TIMM50: variants seen among roughly 807,000 people sequenced by gnomAD.
The protein encoded by TIMM50 is translocase of inner mitochondrial membrane 50.
TIMM50 carries 34 observed loss-of-function variants against 49.6 expected under a neutral mutation model. The ratio of observed to expected loss-of-function variants is 0.69; its 90% confidence interval spans 0.52 to 0.91. The LOEUF (loss-of-function observed/expected upper bound fraction) is 0.91. Among genes scored for constraint, TIMM50 ranks in the 40% least tolerant of loss-of-function variants. TIMM50 has a pLI of 0.00. For synonymous variants in TIMM50, 199 were observed against 198.4 expected, an observed-to-expected ratio of 1.00 and a Z score of -0.03; for missense variants, 458 against 477.8, an observed-to-expected ratio of 0.96 and a Z score of 0.39.
chr19:39,488,120 A>G lies in TIMM50; in HGVS notation c.756A>G (p.Glu252=), dbSNP rs576115147. ...TAGTAGTTGTGGACTGCAAGAAGGA[A>G]GCCTTCCGCCTGCAGCCCTATAACG... ...ARVVVVDCKK[E]AFRLQPYNGV... The change falls in exon 9 of 11, where the codon GAA becomes GAG. Residue 252 remains glutamate, a synonymous_variant. Transcript: ENST00000607714. 6.2e-7 allele frequency: 1 copy of G among 1,613,902 alleles called. No homozygotes were observed. The highest frequency in any genetic ancestry group is 1.3e-5 in the African/African-American group (1 of 75,038).
chr19:39,481,798 T>G, intron 1 of TIMM50, 85 bp from the exon 2 acceptor site: 2 of 1,523,982 alleles, frequency 1.3e-6, no homozygotes, highest in Non-Finnish European at 1.8e-6. Context: ...TCTTGGCTCC[T>G]GAACTTGATT....
rs894888536 is a variant in TIMM50 at position 39,493,184 on chromosome 19, G to C, written c.*3364G>C. ...GGTGCACTGTCTGTAAGCCGGTGGA[G>C]TTATTTCCCAAAATCCTTGGTCCTT... is the stretch of plus-strand genomic sequence containing the variant. On this transcript the variant is annotated 3_prime_UTR_variant, in exon 11 of 11. Coordinates refer to ENST00000607714, the MANE Select transcript of TIMM50 (RefSeq NM_001001563.5). 6.6e-6 allele frequency: 1 copy of C among 151,996 alleles called. No homozygotes were observed. The highest frequency in any genetic ancestry group is 1.5e-5 in the Non-Finnish European group (1 of 68,020). 9.4% of individuals were successfully genotyped at this position (151,996 alleles called of 1,614,324 possible).
At chr19:39,489,171 C>G (rs537121102) in intron 10 of TIMM50, among the ~76,000 whole-genome samples, 1 of 152,048 alleles carries the variant, frequency 6.6e-6, no homozygotes, top group East Asian at 1.9e-4. Flanking sequence ...AGAGAAGTCC[C>G]TAGAGATTTG....
At chr19:39,489,623 G>A in intron 10 of TIMM50, 96 bp from the exon 11 acceptor site, 1 of 1,172,516 alleles carries the variant, frequency 8.5e-7, no homozygotes, top group Non-Finnish European at 1.2e-6. Flanking sequence ...AGAAGGAAAG[G>A]TGGTCCCTGG....
intron 6 of TIMM50, 132 bp from the exon 7 acceptor site, chr19:39,486,055 T>A: frequency 8.9e-7 from 1 of 1,124,428 alleles, no homozygotes; most frequent in Admixed American, 1.9e-5. Context: ...ATGAACTTCT[T>A]GACCTCCAAG....
chr19:39,481,437 T>G lies in TIMM50; in HGVS notation c.109-446T>G, dbSNP rs192119028. ...CAAGCCCCAGACAAGTGATTGCCCT[T>G]CCCCGCCTCCGCTCCTATCCCTTAC... On this transcript the variant is annotated intron_variant, in intron 1 of 10. Coordinates refer to ENST00000607714, the MANE Select transcript of TIMM50 (RefSeq NM_001001563.5). 3.1e-5 allele frequency: 7 copies of G among 227,266 alleles called. No homozygotes were observed. The Admixed American group carries it at 3.2e-4, about 10-fold the overall frequency. 14.1% of individuals were successfully genotyped at this position (227,266 alleles called of 1,614,324 possible).
At chr19:39,483,423 C>G (rs1418594516) in intron 4 of TIMM50, 1 of 528,308 alleles carries the variant, frequency 1.9e-6, no homozygotes, top group Non-Finnish European at 3.4e-6. Context: ...TGGCCTATCT[C>G]CAGACACATG....
At chr19:39,489,688 A>G in intron 10 of TIMM50, 31 bp from the exon 11 acceptor site, 2 of 1,572,718 alleles carry the variant, frequency 1.3e-6, no homozygotes, top group Non-Finnish European at 1.7e-6. Context: ...CCTTGCGCTG[A>G]CCCTCTCCTC....
At chr19:39,489,138 G>C (rs904466069) in intron 10 of TIMM50, among the ~76,000 whole-genome samples, 1 of 152,100 alleles carries the variant, frequency 6.6e-6, no homozygotes, top group Non-Finnish European at 1.5e-5. Flanking sequence ...TAGGTTCCTA[G>C]AGTTGGGAGC....
At chr19:39,482,747 C>G (rs2079480963) in intron 2 of TIMM50, 138 bp from the exon 3 acceptor site, 1 of 1,082,068 alleles carries the variant, frequency 9.2e-7, no homozygotes, top group East Asian at 2.4e-5. Flanking sequence ...GCTCCCAGCC[C>G]CCTCCTGGCT....
At chr19:39,486,966 G>A (rs908251286) in intron 8 of TIMM50, among the ~76,000 whole-genome samples, 2 of 152,108 alleles carry the variant, frequency 1.3e-5, no homozygotes, top group African/African-American at 4.8e-5. Flanking sequence ...TCTGTGTCGT[G>A]TCGGGGTGGG....
chr19:39,492,085 C>A lies in TIMM50; in HGVS notation c.*2265C>A, dbSNP rs573496817. On this transcript the variant is annotated 3_prime_UTR_variant, in exon 11 of 11. Transcript: ENST00000607714. ...CCACTGTGTATTAAGAGTATGAGTC[C>A]CAGATTGTGTAAGTTCAAATCCAAG... is the stretch of plus-strand genomic sequence containing the variant. 6.6e-6 allele frequency: 1 copy of A among 152,170 alleles called. No homozygotes were observed. The highest frequency in any genetic ancestry group is 2.4e-5 in the African/African-American group (1 of 41,524). The allele number at this position is 152,170 out of a possible 1,614,324, so 9.4% of individuals were successfully genotyped here.
rs746734080 is a variant in TIMM50, at chr19:39,488,626, G to T, written c.941G>T (p.Arg314Leu). 2 of 1,613,680 alleles carry T rather than the reference G, an allele frequency of 1.2e-6. No individual in the cohort carries two copies. ...GACCCGCTGGCGGCTTTCAAACAGC[G>T]GCAAAGCCGGCTAGAGCAGGTTGGT... is the stretch of plus-strand genomic sequence containing the variant. ...EDDPLAAFKQ[R>L]QSRLEQEEQQ... Residue 314 changes from arginine (R) to leucine (L), a missense_variant, in exon 10 of 11, where the codon CGG (arginine) becomes CTG (leucine). Coordinates refer to ENST00000607714, the MANE Select transcript of TIMM50 (RefSeq NM_001001563.5).
Position 39,480,867 on chromosome 19 carries a change from C to T in TIMM50, c.14C>T (p.Ala5Val), listed in dbSNP as rs1451547210. The T allele has an allele frequency of 2.5e-6, 4 of 1,598,830 alleles. No homozygotes were observed. Among genetic ancestry groups the T allele is most frequent in the East Asian group, 2.3e-5 (1 of 44,390 alleles). The change falls in exon 1 of 11, where the codon GCA becomes GTA. Residue 5 changes from alanine to valine, a missense_variant. Ala to Val is a moderately conservative substitution (Grantham distance 64). Coordinates refer to ENST00000607714, the MANE Select transcript of TIMM50 (RefSeq NM_001001563.5). ...CGTCAGCGCAAGATGGCGGCCTCGG[C>T]AGCGGTGTTCTCGCGCTTGCGAAGC... is the stretch of plus-strand genomic sequence containing the variant. MAAS[A>V]AVFSRLRSGL...
intron 1 of TIMM50, chr19:39,481,288 A>G (rs1463555072): frequency 1.0e-5 from 4 of 398,218 alleles, no homozygotes; most frequent in Non-Finnish European, 1.8e-5. Context: ...CGTGGGAGTT[A>G]TTTTCTCTGT....
intron 6 of TIMM50, 163 bp from the exon 7 acceptor site, chr19:39,486,024 C>A: frequency 9.4e-7 from 1 of 1,062,852 alleles, no homozygotes; most frequent in Non-Finnish European, 1.4e-6. Context: ...CACAAAGGAG[C>A]CAGACCCGCA....
chr19:39,484,040 G>A (rs1157903572), intron 4 of TIMM50, among the ~76,000 whole-genome samples: 1 of 151,854 alleles, frequency 6.6e-6, no homozygotes, highest in Admixed American at 6.6e-5. Context: ...TTTTAGTAGA[G>A]ACAGGGTTTC....
At chr19:39,489,642 C>G in intron 10 of TIMM50, 77 bp from the exon 11 acceptor site, 1 of 1,365,696 alleles carries the variant, frequency 7.3e-7, no homozygotes, top group South Asian at 1.3e-5. Context: ...GGGCTGAGGC[C>G]TGGGGACCTG....
chr19:39,481,100 C>A, intron 1 of TIMM50, 139 bp downstream of exon 1: 1 of 1,165,264 alleles, frequency 8.6e-7, no homozygotes, highest in Non-Finnish European at 1.2e-6. Flanking sequence ...GGGCCCTTCC[C>A]AACCTCCTGG....
Sources: gnomAD v4.1 joint callset for allele counts (sites outside exome capture counted in the v4.1 genomes callset) on GRCh38, gnomAD v4.1.1 for gene constraint, MANE v1.5 for transcripts, NCBI Gene and HGNC (gene_info 2026-07-23, HGNC 2026-07-21) for gene names.